Variants in RBFOX3 observed in about 807,000 individuals in gnomAD.
RBFOX3 encodes RNA binding protein fox-1 homolog 3.
Under a neutral mutation model 48.7 loss-of-function variants are expected in RBFOX3, and 17 were observed. The observed-to-expected ratio is 0.35, with a 90% confidence interval of 0.24 to 0.52. The LOEUF is 0.52. Ranked by LOEUF, RBFOX3 falls within the 20% of genes least tolerant of loss-of-function variation. The probability of loss-of-function intolerance (pLI) is 0.94; values close to 1 mark genes in which losing one functional copy is unlikely to be tolerated. For missense variants in RBFOX3, 382 were observed against 497.5 expected, an observed-to-expected ratio of 0.77 and a Z score of 2.21; for synonymous variants, 212 against 209.5, an observed-to-expected ratio of 1.01 and a Z score of -0.10.
At chr17:79,099,006 C>CA (rs1265605067) in intron 9 of RBFOX3, 1 of 152,272 alleles carries the variant, frequency 6.6e-6, no homozygotes, top group Non-Finnish European at 1.5e-5. Context: ...TCCCTCTGGC[C>CA]AAGTCTTCAC....
At chr17:79,350,005 C>T (rs796972112) in intron 2 of RBFOX3, among the ~76,000 whole-genome samples, 26 of 152,322 alleles carry the variant, frequency 1.7e-4, no homozygotes, top group African/African-American at 5.8e-4. Context: ...GTCCATGCCA[C>T]CAAAGTCGTC....
At chr17:79,552,579 C>T (rs1317668565) in intron 1 of RBFOX3, among the ~76,000 whole-genome samples, 1 of 152,052 alleles carries the variant, frequency 6.6e-6, no homozygotes, top group Non-Finnish European at 1.5e-5. Context: ...TGAACAGGGC[C>T]TGGTGTATGG....
chr17:79,377,555 G>A (rs1459645920), intron 2 of RBFOX3, among the ~76,000 whole-genome samples: 2 of 152,192 alleles, frequency 1.3e-5, no homozygotes, highest in Admixed American at 6.5e-5. Context: ...TGCGGCGGCC[G>A]AGGAACTCCC....
chr17:79,633,326 G>A, the RBFOX3 span, among the ~76,000 whole-genome samples: 2 of 152,266 alleles, frequency 1.3e-5, no homozygotes, highest in Admixed American at 6.5e-5. Flanking sequence ...GTCAGTGCCA[G>A]CGGGCAAGGC....
chr17:79,305,440 G>A (rs1204695322), intron 3 of RBFOX3, among the ~76,000 whole-genome samples: 1 of 152,220 alleles, frequency 6.6e-6, no homozygotes, highest in Admixed American at 6.5e-5. Flanking sequence ...TGTCCCAGTG[G>A]GGCTTGCTGT....
intron 2 of RBFOX3, among the ~76,000 whole-genome samples, chr17:79,327,707 T>G (rs930121803): frequency 1.4e-4 from 21 of 152,214 alleles, no homozygotes; most frequent in African/African-American, 5.1e-4. Context: ...TTCCTTCTCT[T>G]TTTTTTGAGA....
chr17:79,095,434 G>A (rs2075027151), intron 13 of RBFOX3, 79 bp downstream of exon 13: 1 of 1,347,448 alleles, frequency 7.4e-7, no homozygotes, highest in Middle Eastern at 1.8e-4. Context: ...CCTCCTGCCT[G>A]TCTGGGCCCA....
the RBFOX3 span, among the ~76,000 whole-genome samples, chr17:79,652,622 G>GAGAGGA: frequency 7.0e-6 from 1 of 142,202 alleles, no homozygotes; most frequent in African/African-American, 2.6e-5. Context: ...GAAAGGAAAG[G>GAGAGGA]GAAAAGGGAA....
At chr17:79,108,959 A>G (rs1599462279) in intron 5 of RBFOX3, among the ~76,000 whole-genome samples, 1 of 152,210 alleles carries the variant, frequency 6.6e-6, no homozygotes, top group East Asian at 1.9e-4. Flanking sequence ...CCCTGCGTTG[A>G]ACAGCGAGGA....
In RBFOX3 at chr17:79,115,706, G is replaced by A; in HGVS notation, c.10C>T (p.Pro4Ser). Reference sequence around the variant, plus strand: ...GGGGGGTACTGGGCGGGGGGGTAGGGCTGGGCCATCGCTTCAGGCGGAGCC... The same window carrying A: ...GGGGGGTACTGGGCGGGGGGGTAGGACTGGGCCATCGCTTCAGGCGGAGCC... MAQPYPPAQYPPPP... is the reference protein window; with the variant it reads MAQSYPPAQYPPPP... Residue 4 changes from proline to serine, a missense_variant, in exon 5 of 15, where the codon CCC becomes TCC. Transcript: ENST00000693108. 1.6e-6 allele frequency: 1 copy of A among 626,080 alleles called. No homozygotes were observed. The highest frequency in any genetic ancestry group is 2.8e-6 in the Non-Finnish European group (1 of 356,296). 38.8% of individuals were successfully genotyped at this position (626,080 alleles called of 1,614,324 possible). A position where few individuals can be genotyped will look rare whatever the true frequency, so the allele number is the denominator to read the frequency against.
At chr17:79,334,855 G>C (rs1453283704) in intron 2 of RBFOX3, among the ~76,000 whole-genome samples, 1 of 152,222 alleles carries the variant, frequency 6.6e-6, no homozygotes, top group Non-Finnish European at 1.5e-5. Flanking sequence ...TGCCTGGCAC[G>C]TAGCAAGTGT....
At chr17:79,218,028 G>A (rs1012279132) in intron 4 of RBFOX3, among the ~76,000 whole-genome samples, 5 of 152,132 alleles carry the variant, frequency 3.3e-5, no homozygotes, top group Admixed American at 6.5e-5. Context: ...GGGGTAGAGG[G>A]AGGCAGGACC....
chr17:79,579,652 G>A (rs1164340705), intron 1 of RBFOX3, among the ~76,000 whole-genome samples: 2 of 151,956 alleles, frequency 1.3e-5, no homozygotes, highest in Non-Finnish European at 2.9e-5. Flanking sequence ...GCAGAATGTG[G>A]TCAGGTGGCT....
At chr17:79,594,154 C>T (rs2093502704) in intron 1 of RBFOX3, among the ~76,000 whole-genome samples, 1 of 152,086 alleles carries the variant, frequency 6.6e-6, no homozygotes. Context: ...GGTGGGTCCT[C>T]CTGACCCACC....
At chr17:79,330,059 G>C (rs11868342) in intron 2 of RBFOX3, among the ~76,000 whole-genome samples, 149,221 of 152,310 alleles carry the variant, frequency 0.98, 73,171 homozygotes, top group East Asian at 1. Flanking sequence ...AGTTAAGCTG[G>C]GCAGAAAAAC....
At chr17:79,568,990 C>A (rs1168269031) in intron 1 of RBFOX3, among the ~76,000 whole-genome samples, 1 of 152,048 alleles carries the variant, frequency 6.6e-6, no homozygotes, top group African/African-American at 2.4e-5. Context: ...CTCCTCAACC[C>A]ACCCACCTTG....
intron 2 of RBFOX3, among the ~76,000 whole-genome samples, chr17:79,377,568 T>G (rs2059373711): frequency 6.6e-6 from 1 of 152,070 alleles, no homozygotes; most frequent in Admixed American, 6.5e-5. Context: ...GAACTCCCCT[T>G]TGGTAGGACG....
Position 79,254,595 on chromosome 17 carries a change from T to C in RBFOX3, c.-73-18790A>G, listed in dbSNP as rs2064470827. On this transcript the variant is annotated intron_variant, in intron 3 of 14. Transcript: ENST00000693108. The surrounding 1 kb of genome is among the most constrained non-coding windows in gnomAD (Gnocchi z 4.8). ...CCTTGAACCCTCAGCTGGTGACCAG[T>C]GCTGGCCCCAGGGATCTCCCACCTG... Among the ~76,000 whole-genome samples, 1 of 152,172 alleles carries C rather than the reference T, an allele frequency of 6.6e-6. No individual in the cohort carries two copies. The highest frequency in any genetic ancestry group is 1.5e-5 in the Non-Finnish European group (1 of 68,030).
At chr17:79,402,496 G>C (rs1022822803) in intron 2 of RBFOX3, among the ~76,000 whole-genome samples, 2 of 152,186 alleles carry the variant, frequency 1.3e-5, no homozygotes, top group African/African-American at 4.8e-5. Flanking sequence ...GGGGATTAAC[G>C]ATCCCCTGAG....
Sources: gnomAD v4.1 joint callset for allele counts (sites outside exome capture counted in the v4.1 genomes callset) on GRCh38, gnomAD v4.1.1 for gene constraint, Gnocchi (gnomAD v3.1) non-coding constraint, MANE v1.5 for transcripts, NCBI Gene and HGNC (gene_info 2026-07-23, HGNC 2026-07-21) for gene names.